Variants in STK25 observed in about 807,000 individuals in gnomAD.
The protein encoded by STK25 is serine/threonine-protein kinase 25.
Under a neutral mutation model 53.8 loss-of-function variants are expected in STK25, and 29 were observed. The ratio of observed to expected loss-of-function variants is 0.54; its 90% CI spans 0.40 to 0.74. STK25 has a LOEUF of 0.74. Among genes scored for constraint, STK25 ranks in the 30% least tolerant of loss-of-function variants. STK25 has a pLI of 0.00. For synonymous variants in STK25, 247 were observed against 238.3 expected, an observed-to-expected ratio of 1.04 and a Z score of -0.33; for missense variants, 420 against 568.0, an observed-to-expected ratio of 0.74 and a Z score of 2.65.
Position 241,508,493 on chromosome 2 carries a change from G to C in STK25, c.-151C>G. Reference sequence around the variant, plus strand: ...CCCCGGCCCGCTCTGCAGCGCCCGCGAAGGCTCCCACCCGCAGCCTCTGTT... The same window carrying C: ...CCCCGGCCCGCTCTGCAGCGCCCGCCAAGGCTCCCACCCGCAGCCTCTGTT... On this transcript the variant is annotated 5_prime_UTR_variant, in exon 1 of 12. Coordinates refer to ENST00000316586, the MANE Select transcript of STK25 (RefSeq NM_001271977.2). 4 of 1,029,504 alleles carry C rather than the reference G, an allele frequency of 3.9e-6. No homozygotes were observed. The highest frequency in any genetic ancestry group is 4.7e-6 in the Non-Finnish European group (4 of 856,500). 63.8% of individuals were successfully genotyped at this position (1,029,504 alleles called of 1,614,324 possible).
Position 241,495,574 on chromosome 2 carries a change from C to G in STK25, c.*88G>C. ...GTGTCCCTGCAGGCACGACATAGCA[C>G]AGGGCACCTTCCAAGTCAGCACAGT... On this transcript the variant is annotated 3_prime_UTR_variant, in exon 12 of 12. Transcript: ENST00000316586. 1 of 1,485,946 alleles carries G rather than the reference C, an allele frequency of 6.7e-7. No individual in the cohort carries two copies. The highest frequency in any genetic ancestry group is 9.4e-7 in the Non-Finnish European group (1 of 1,064,060). 92.0% of individuals were successfully genotyped at this position (1,485,946 alleles called of 1,614,324 possible).
Position 241,495,507 on chromosome 2 carries a change from G to T in STK25, c.*155C>A. 1.4e-6 allele frequency: 1 copy of T among 725,300 alleles called. No individual in the cohort carries two copies. The allele number at this position is 725,300 out of a possible 1,614,324, so 44.9% of individuals were successfully genotyped here. ...GCACACTGCAGGGGTGGAAGGAGAC[G>T]GTGACCTGGTGACCTGGCATGTGAG... On this transcript the variant is annotated 3_prime_UTR_variant, in exon 12 of 12. Transcript: ENST00000316586.
chr2:241,494,678 TC>T lies in STK25; in HGVS notation c.*983del, dbSNP rs2065057324. 1 of 152,124 alleles carries T rather than the reference TC, an allele frequency of 6.6e-6. No homozygotes were observed. The highest frequency in any genetic ancestry group is 1.5e-5 in the Non-Finnish European group (1 of 68,014). 9.4% of individuals were successfully genotyped at this position (152,124 alleles called of 1,614,324 possible). A position where few individuals can be genotyped will look rare whatever the true frequency, so the allele number is the denominator to read the frequency against. ...CAAGTCTGGCAGAAGCCACGCTTGT[TC>T]CCCATGTACCTCTAGAGAAGCAGAA... On this transcript the variant is annotated 3_prime_UTR_variant, in exon 12 of 12. Coordinates refer to ENST00000316586, the MANE Select transcript of STK25 (RefSeq NM_001271977.2). This position sits in a 1 kb window ranked among gnomAD's most constrained non-coding sequence, Gnocchi z 4.9.
Position 241,493,996 on chromosome 2 carries a change from C to A in STK25, c.*1666G>T. 7.3e-7 allele frequency: 1 copy of A among 1,373,952 alleles called. No individual in the cohort carries two copies. The highest frequency in any genetic ancestry group is 9.5e-7 in the Non-Finnish European group (1 of 1,056,050). The allele number at this position is 1,373,952 out of a possible 1,614,324, so 85.1% of individuals were successfully genotyped here. A position where few individuals can be genotyped will look rare whatever the true frequency, so the allele number is the denominator to read the frequency against. ...GATGGCTCACTGGTCTGATGGCCGC[C>A]CTCTCCTCCAGGTGGATGGAGGTGA... On this transcript the variant is annotated 3_prime_UTR_variant, in exon 12 of 12. Transcript: ENST00000316586.
rs752244957 is a variant in STK25 at position 241,492,768 on chromosome 2, GACTT to G, written c.*2890_*2893del. 1 of 566,222 alleles carries G rather than the reference GACTT, an allele frequency of 1.8e-6. No homozygotes were observed. Among genetic ancestry groups the G allele is most frequent in the East Asian group, 2.8e-5 (1 of 35,230 alleles). The allele number at this position is 566,222 out of a possible 1,614,324, so 35.1% of individuals were successfully genotyped here. On this transcript the variant is annotated 3_prime_UTR_variant, in exon 12 of 12. Transcript: ENST00000316586. ...CTAGGTTTTTAACATGCTTCTGTTGGACTTAAGTACTGATAAAGCTGCTGTTCAT... is the reference window on the plus strand; with the variant it reads ...CTAGGTTTTTAACATGCTTCTGTTGGAAGTACTGATAAAGCTGCTGTTCAT...
Position 241,494,440 on chromosome 2 carries a change from G to A in STK25, c.*1222C>T, listed in dbSNP as rs374084665. The A allele has an allele frequency of 2.9e-5, 6 of 207,680 alleles. No individual in the cohort carries two copies. Among genetic ancestry groups the A allele is most frequent in the East Asian group, 2.0e-4 (2 of 9,900 alleles). 12.9% of individuals were successfully genotyped at this position (207,680 alleles called of 1,614,324 possible). ...AGGCCTGAGCAGTGCTCTCGGCATC[G>A]GACCAAAGCCTGGGCACACCCTGCC... On this transcript the variant is annotated 3_prime_UTR_variant, in exon 12 of 12. Transcript: ENST00000316586. The surrounding 1 kb of genome is among the most constrained non-coding windows in gnomAD (Gnocchi z 4.9).
At chr2:241,499,731 C>A in intron 5 of STK25, 8 of 494,840 alleles carry the variant, frequency 1.6e-5, no homozygotes, top group Non-Finnish European at 2.6e-5. Flanking sequence ...GTGTAGCCAA[C>A]ACGGGCCTGC....
Position 241,496,725 on chromosome 2 carries a change from C to A in STK25, c.1105-191G>T, listed in dbSNP as rs1051296305. Among the ~76,000 whole-genome samples the A allele has an allele frequency of 6.6e-6, 1 of 152,016 alleles. No individual in the cohort carries two copies. ...TCTGCCCCTGCCCTGCCAACGGGGACCCTAGTGGTCCTTCCCCACAGCACC... is the reference window on the plus strand; with the variant it reads ...TCTGCCCCTGCCCTGCCAACGGGGAACCTAGTGGTCCTTCCCCACAGCACC... On this transcript the variant is annotated intron_variant, in intron 10 of 11. Coordinates refer to ENST00000316586, the MANE Select transcript of STK25 (RefSeq NM_001271977.2). This position sits in a 1 kb window ranked among gnomAD's most constrained non-coding sequence, Gnocchi z 5.8.
chr2:241,499,458 G>T, intron 5 of STK25, 44 bp from the exon 6 acceptor site: 1 of 1,597,388 alleles, frequency 6.3e-7, no homozygotes, highest in Non-Finnish European at 8.5e-7. Flanking sequence ...GGCTCCACGT[G>T]GCTCCACCCC....
chr2:241,502,788 C>T (rs368506366), intron 2 of STK25, among the ~76,000 whole-genome samples: 1 of 152,000 alleles, frequency 6.6e-6, no homozygotes, highest in South Asian at 2.1e-4. Context: ...AACAAAAAAC[C>T]TCAGTATGTG....
Position 241,492,711 on chromosome 2 carries a change from A to G in STK25, c.*2951T>C. ...GACTTTATTGTGCACAGGGAAAGGGAACTCACTTTACTTGGTGCCTGGAAT... is the reference window on the plus strand; with the variant it reads ...GACTTTATTGTGCACAGGGAAAGGGGACTCACTTTACTTGGTGCCTGGAAT... On this transcript the variant is annotated 3_prime_UTR_variant, in exon 12 of 12. Transcript: ENST00000316586. The G allele has an allele frequency of 1.9e-6, 1 of 524,780 alleles. No individual in the cohort carries two copies. The highest frequency in any genetic ancestry group is 3.4e-6 in the Non-Finnish European group (1 of 294,056). The allele number at this position is 524,780 out of a possible 1,614,324, so 32.5% of individuals were successfully genotyped here.
At position 241,493,081 on chromosome 2, in the gene STK25, C is replaced by G. The variant is rs768598452; in HGVS notation, c.*2581G>C. The G allele has an allele frequency of 7.4e-6, 9 of 1,216,888 alleles. No individual in the cohort carries two copies. The highest frequency in any genetic ancestry group is 1.1e-5 in the Non-Finnish European group (9 of 817,806). 75.4% of individuals were successfully genotyped at this position (1,216,888 alleles called of 1,614,324 possible). A position where few individuals can be genotyped will look rare whatever the true frequency, so the allele number is the denominator to read the frequency against. ...GCCCAATGCAGGTGATGCTAGCAGA[C>G]AGACACTTAACCCTGCTCACCTGTG... On this transcript the variant is annotated 3_prime_UTR_variant, in exon 12 of 12. Coordinates refer to ENST00000316586, the MANE Select transcript of STK25 (RefSeq NM_001271977.2).
intron 2 of STK25, among the ~76,000 whole-genome samples, chr2:241,505,918 T>G (rs1451054173): frequency 6.6e-6 from 1 of 152,162 alleles, no homozygotes; most frequent in Non-Finnish European, 1.5e-5. Context: ...CTCAGCTGAC[T>G]CGAGCGGTGG....
intron 2 of STK25, among the ~76,000 whole-genome samples, chr2:241,504,374 AC>A (rs1380389216): frequency 6.6e-6 from 1 of 152,186 alleles, no homozygotes; most frequent in African/African-American, 2.4e-5. Flanking sequence ...CCTTGAGCCC[AC>A]CTGCTACCAG....
At chr2:241,497,484 G>T in intron 10 of STK25, 132 bp downstream of exon 10, 2 of 908,648 alleles carry the variant, frequency 2.2e-6, no homozygotes, top group Non-Finnish European at 1.8e-6. Flanking sequence ...AGAAAACCCA[G>T]CCCACAATCA....
Position 241,501,113 on chromosome 2 carries a change from G to T in STK25, c.262-317C>A, listed in dbSNP as rs895997793. The T allele has an allele frequency of 9.0e-6, 5 of 553,450 alleles. No homozygotes were observed. In the African/African-American group the frequency reaches 9.4e-5, roughly 10 times the overall value. The allele number at this position is 553,450 out of a possible 1,614,324, so 34.3% of individuals were successfully genotyped here. On this transcript the variant is annotated intron_variant, in intron 3 of 11. Coordinates refer to ENST00000316586, the MANE Select transcript of STK25 (RefSeq NM_001271977.2). The surrounding 1 kb of genome is among the most constrained non-coding windows in gnomAD (Gnocchi z 5.3). ...GGCATGGCTGGCAAGCATGTGACCC[G>T]ACACACCCATCACCCTCCTGGGCAG... is the stretch of plus-strand genomic sequence containing the variant.
chr2:241,504,041 G>A (rs775565115), intron 2 of STK25: 25 of 471,104 alleles, frequency 5.3e-5, no homozygotes, highest in Non-Finnish European at 7.9e-5. Context: ...CCCCCACCTT[G>A]AAACATGCCG....
Position 241,493,624 on chromosome 2 carries a change from TC to T in STK25, c.*2037del, listed in dbSNP as rs2065015354. On this transcript the variant is annotated 3_prime_UTR_variant, in exon 12 of 12. Transcript: ENST00000316586. ...TTTTTTTTTTTTTGGAGATGGCGTC[TC>T]CCTCTGTCACTCAGGCTGGAGTGCA... 1 of 599,822 alleles carries T rather than the reference TC, an allele frequency of 1.7e-6. No homozygotes were observed. The highest frequency in any genetic ancestry group is 2.9e-5 in the Admixed American group (1 of 34,178). The allele number at this position is 599,822 out of a possible 1,614,324, so 37.2% of individuals were successfully genotyped here.
intron 2 of STK25, among the ~76,000 whole-genome samples, chr2:241,503,748 A>G (rs1247267025): frequency 6.6e-6 from 1 of 151,618 alleles, no homozygotes; most frequent in East Asian, 1.9e-4. Flanking sequence ...CACAAAAAAA[A>G]ACACTGAAGA....
Sources: gnomAD v4.1 joint callset for allele counts (sites outside exome capture counted in the v4.1 genomes callset) on GRCh38, gnomAD v4.1.1 for gene constraint, Gnocchi (gnomAD v3.1) non-coding constraint, MANE v1.5 for transcripts, NCBI Gene and HGNC (gene_info 2026-07-23, HGNC 2026-07-21) for gene names.